The following LINC00632 variants were observed in gnomAD, a reference collection of about 807,000 sequenced individuals.
LINC00632 encodes the protein ALDOA related specific transcript.
chrX:140,757,238 G>A (rs182883104), intron 3 of LINC00632, among the ~76,000 whole-genome samples: 13 of 111,194 alleles, frequency 1.2e-4, no homozygotes, highest in Admixed American at 4.8e-4. Context: ...ACAACCGTGC[G>A]CCTTGAGGAG....
chrX:140,777,559 G>A (rs1370399258), exon 5 of LINC00632, among the ~76,000 whole-genome samples: 3 of 112,415 alleles, frequency 2.7e-5, no homozygotes, highest in African/African-American at 9.7e-5. Flanking sequence ...CTGAATCAGG[G>A]ATAGGGCCAG....
intron 3 of LINC00632, among the ~76,000 whole-genome samples, chrX:140,768,761 TAATAA>T (rs1458759207): frequency 1.0e-5 from 1 of 100,167 alleles, no homozygotes; most frequent in African/African-American, 3.6e-5. Context: ...TTATCATATA[TAATAA>T]AATATATTAT....
chrX:140,732,926 C>T (rs896985168), intron 2 of LINC00632, among the ~76,000 whole-genome samples: 2 of 110,852 alleles, frequency 1.8e-5, no homozygotes, highest in Non-Finnish European at 3.8e-5. Context: ...CCACGCCTGG[C>T]TAATTTTTGT....
At chrX:140,723,573 TACACAC>T (rs201755954) in intron 2 of LINC00632, among the ~76,000 whole-genome samples, 1 of 13,321 alleles carries the variant, frequency 7.5e-5, no homozygotes, top group African/African-American at 1.1e-4. Flanking sequence ...ACACATTCCA[TACACAC>T]ACACACATTC....
chrX:140,716,475 C>G (rs1285422594), intron 2 of LINC00632, among the ~76,000 whole-genome samples: 1 of 109,685 alleles, frequency 9.1e-6, no homozygotes, highest in Non-Finnish European at 1.9e-5. Context: ...TCATTACTAC[C>G]AAAACAAAAA....
At chrX:140,713,769 G>A (rs867536415) in intron 2 of LINC00632, 3 of 336,771 alleles carry the variant, frequency 8.9e-6, no homozygotes, top group Non-Finnish European at 1.2e-5. Context: ...CCAGAGGCAC[G>A]TATGTACTGC....
intron 2 of LINC00632, among the ~76,000 whole-genome samples, chrX:140,732,668 T>G (rs5907623): frequency 0.24 from 27,079 of 110,969 alleles, 3,149 homozygotes; most frequent in Non-Finnish European, 0.36. Context: ...AGAAACAGAT[T>G]TACACACGCA....
At position 140,715,421 on chromosome X, in the gene LINC00632, C is replaced by T. The variant is rs903359530; in HGVS notation, n.104+3765C>T. Among the ~76,000 whole-genome samples the T allele has an allele frequency of 9.1e-5, 10 of 110,409 alleles. No individual in the cohort carries two copies. In the Admixed American group the frequency reaches 9.7e-4, roughly 11 times the overall value. On this transcript the variant is annotated intron_variant and non_coding_transcript_variant, in intron 2 of 4. Transcript: ENST00000648200. ...CAGCCTGTCCAACATGGTGAAACCC[C>T]GTCTCTACTAAAAATACAAAAAAAT...
chrX:140,770,981 G>A (rs1243598316), intron 3 of LINC00632, among the ~76,000 whole-genome samples: 3 of 111,487 alleles, frequency 2.7e-5, no homozygotes, highest in Admixed American at 1.9e-4. Flanking sequence ...GACTCAACCT[G>A]GTTACCCAGG....
At chrX:140,737,152 G>A (rs773625940) in intron 3 of LINC00632, among the ~76,000 whole-genome samples, 8 of 110,338 alleles carry the variant, frequency 7.3e-5, no homozygotes, top group African/African-American at 2.3e-4. Flanking sequence ...CATTTGCCTC[G>A]GCCTCCCAAA....
Position 140,762,610 on chromosome X carries a change from T to C in LINC00632, n.192-9468T>C, listed in dbSNP as rs113518884. 8.9e-3 allele frequency among the ~76,000 whole-genome samples: 1,003 copies of C among 112,415 alleles called. 3 individuals are homozygous for C. Among genetic ancestry groups the C allele is most frequent in the African/African-American group, 0.03 (940 of 30,956 alleles). ...CTATATCAGGGATTGACAAACTGCT[T>C]CTGTAACAGTAAATATTTCTGGCTG... is the stretch of plus-strand genomic sequence containing the variant. On this transcript the variant is annotated intron_variant and non_coding_transcript_variant, in intron 3 of 4. Coordinates refer to ENST00000648200, the Ensembl canonical transcript of LINC00632.
intron 3 of LINC00632, among the ~76,000 whole-genome samples, chrX:140,752,427 A>G (rs1446989477): frequency 8.9e-6 from 1 of 111,892 alleles, no homozygotes. Context: ...ACAATGTGGT[A>G]CATGAATATG....
intron 3 of LINC00632, among the ~76,000 whole-genome samples, chrX:140,760,726 A>G (rs1488088319): frequency 9.0e-6 from 1 of 111,377 alleles, no homozygotes; most frequent in Non-Finnish European, 1.9e-5. Context: ...AGCAACCTAT[A>G]TATAATATAT....
exon 5 of LINC00632, chrX:140,783,705 C>T: frequency 8.3e-7 from 1 of 1,211,000 alleles, no homozygotes. Flanking sequence ...ACGTCTTCCA[C>T]CAAATCCAGG....
At chrX:140,773,984 T>C (rs971383022) in exon 4 of LINC00632, among the ~76,000 whole-genome samples, 9 of 112,351 alleles carry the variant, frequency 8.0e-5, no homozygotes, top group South Asian at 3.7e-4. Flanking sequence ...GGCAGAAATT[T>C]TGGAATGAGG....
intron 3 of LINC00632, among the ~76,000 whole-genome samples, chrX:140,762,613 G>A (rs1280975162): frequency 8.9e-6 from 1 of 112,265 alleles, no homozygotes; most frequent in South Asian, 3.7e-4. Flanking sequence ...AACTGCTTCT[G>A]TAACAGTAAA....
chrX:140,740,398 C>G (rs949703799), intron 3 of LINC00632, among the ~76,000 whole-genome samples: 4 of 111,200 alleles, frequency 3.6e-5, no homozygotes, highest in African/African-American at 1.3e-4. Flanking sequence ...GGGAGGTCAG[C>G]AGGATGCATC....
intron 2 of LINC00632, among the ~76,000 whole-genome samples, chrX:140,730,540 G>C: frequency 9.2e-6 from 1 of 108,285 alleles, no homozygotes; most frequent in Middle Eastern, 4.7e-3. Context: ...GAACACTCAG[G>C]CTTGCCTCAT....
chrX:140,720,331 C>T (rs931251656), intron 2 of LINC00632, among the ~76,000 whole-genome samples: 7 of 111,189 alleles, frequency 6.3e-5, no homozygotes, highest in Non-Finnish European at 1.3e-4. Context: ...TACCCCACTT[C>T]AACTAGCCTT....
Sources: gnomAD v4.1 joint callset for allele counts (sites outside exome capture counted in the v4.1 genomes callset) on GRCh38, gnomAD v4.1.1 for gene constraint, MANE v1.5 for transcripts, NCBI Gene and HGNC (gene_info 2026-07-23, HGNC 2026-07-21) for gene names.